HIVEP3: variants seen among roughly 807,000 people sequenced by gnomAD.
The protein encoded by HIVEP3 is HIVEP zinc finger 3.
In HIVEP3, 49 loss-of-function variants were observed where a neutral mutation model predicts 152.8. The observed-to-expected ratio is 0.32, with a 90% CI of 0.26 to 0.41. HIVEP3 has a LOEUF of 0.41. HIVEP3 is among the 10% of genes least tolerant of loss of function. The probability of loss-of-function intolerance (pLI) is 1.00; values close to 1 mark genes in which losing one functional copy is unlikely to be tolerated. For synonymous variants in HIVEP3, 1,269 were observed against 1,289.0 expected (o/e 0.98, Z 0.33); for missense variants, 2,790 against 3,103.3 (o/e 0.90, Z 2.40).
intron 2 of HIVEP3, among the ~76,000 whole-genome samples, chr1:41,691,841 A>C (rs1011878200): frequency 3.3e-5 from 5 of 151,996 alleles, no homozygotes; most frequent in Admixed American, 1.3e-4. Context: ...CTCCAAATCA[A>C]TACTTACATT....
chr1:41,639,061 G>A (rs76471876), intron 2 of HIVEP3, among the ~76,000 whole-genome samples: 4,704 of 152,300 alleles, frequency 0.031, 107 homozygotes, highest in Non-Finnish European at 0.053. Flanking sequence ...ACTCTGAACG[G>A]AACGTCTGCA....
intron 1 of HIVEP3, among the ~76,000 whole-genome samples, chr1:41,936,060 C>T (rs1645018674): frequency 6.6e-6 from 1 of 151,962 alleles, no homozygotes; most frequent in African/African-American, 2.4e-5. Context: ...CAATTGCCTG[C>T]AAGTAAAAAG....
intron 2 of HIVEP3, among the ~76,000 whole-genome samples, chr1:41,634,109 C>T (rs535639519): frequency 2.0e-5 from 3 of 147,678 alleles, no homozygotes; most frequent in East Asian, 2.2e-4. Flanking sequence ...CCACCACCCA[C>T]GCATCTTTTC....
chr1:41,556,684 G>A (rs947785136), intron 5 of HIVEP3, among the ~76,000 whole-genome samples: 2 of 152,176 alleles, frequency 1.3e-5, no homozygotes, highest in Non-Finnish European at 2.9e-5. Context: ...TATGCTTGGT[G>A]TTGTATCCAA....
intron 1 of HIVEP3, among the ~76,000 whole-genome samples, chr1:41,911,605 C>A (rs1644797168): frequency 6.6e-6 from 1 of 152,032 alleles, no homozygotes; most frequent in South Asian, 2.1e-4. Flanking sequence ...ATGTTTACAG[C>A]AGCACTATTT....
intron 1 of HIVEP3, among the ~76,000 whole-genome samples, chr1:41,760,990 T>C (rs1288533744): frequency 6.6e-6 from 1 of 152,212 alleles, no homozygotes; most frequent in Non-Finnish European, 1.5e-5. Context: ...CTCCCTTCTC[T>C]TTTTTGGAAA....
chr1:41,670,774 T>C (rs1265130847), intron 2 of HIVEP3, among the ~76,000 whole-genome samples: 1 of 152,100 alleles, frequency 6.6e-6, no homozygotes, highest in Admixed American at 6.5e-5. Context: ...AGCCACGCAG[T>C]TACTAGGAAA....
chr1:41,654,445 G>C, intron 2 of HIVEP3, among the ~76,000 whole-genome samples: 1 of 152,112 alleles, frequency 6.6e-6, no homozygotes, highest in East Asian at 1.9e-4. Context: ...AGTGTATATG[G>C]ATTCATTCAT....
chr1:41,666,563 C>T (rs978051366), intron 2 of HIVEP3, among the ~76,000 whole-genome samples: 3 of 152,170 alleles, frequency 2.0e-5, no homozygotes, highest in Admixed American at 2.0e-4. Flanking sequence ...GATTACTGTC[C>T]TCCCATATGG....
chr1:41,954,649 T>C (rs1213307991), intron 1 of HIVEP3, among the ~76,000 whole-genome samples: 1 of 152,266 alleles, frequency 6.6e-6, no homozygotes, highest in Non-Finnish European at 1.5e-5. Flanking sequence ...GCCTTTCTGA[T>C]GCTGGCTGCA....
intron 1 of HIVEP3, among the ~76,000 whole-genome samples, chr1:42,028,626 G>C (rs750542344): frequency 1.2e-4 from 18 of 152,212 alleles, no homozygotes; most frequent in Non-Finnish European, 2.6e-4. Flanking sequence ...GGGGGTCAAA[G>C]GGAGGGGAAT....
intron 1 of HIVEP3, among the ~76,000 whole-genome samples, chr1:41,719,715 A>T (rs1437917344): frequency 6.6e-6 from 1 of 152,222 alleles, no homozygotes; most frequent in Admixed American, 6.5e-5. Flanking sequence ...TGACACGGTG[A>T]CCAGGCTCCA....
Position 41,584,529 on chromosome 1 carries a change from A to G in HIVEP3, c.269T>C (p.Val90Ala). The G allele has an allele frequency of 6.2e-7, 1 of 1,613,362 alleles. No individual in the cohort carries two copies. ...GTGCTGCGGAAGCTGTGAGATGTGG[A>G]CGGATGCTTCGATGGGGGGCCTTTT... Reference protein sequence around the residue: ...PPKRPPIEASVHISQLPQHPL... With the variant: ...PPKRPPIEASAHISQLPQHPL... The change falls in exon 4 of 9, where the codon GTC (valine) becomes GCC (alanine). Residue 90 changes from valine (V) to alanine (A), a missense_variant. By Grantham distance (64) the Val-to-Ala change is moderately conservative. Coordinates refer to ENST00000372583, the MANE Select transcript of HIVEP3 (RefSeq NM_024503.5). This position sits in a 1 kb window ranked among gnomAD's most constrained non-coding sequence, Gnocchi z 5.2.
chr1:41,561,175 G>A (rs897468841), intron 5 of HIVEP3, among the ~76,000 whole-genome samples: 1 of 152,146 alleles, frequency 6.6e-6, no homozygotes, highest in African/African-American at 2.4e-5. Context: ...AAACCACATG[G>A]CAATCATTCA....
At chr1:41,765,653 AGC>A (rs1366537957) in intron 1 of HIVEP3, among the ~76,000 whole-genome samples, 5 of 152,344 alleles carry the variant, frequency 3.3e-5, no homozygotes, top group Non-Finnish European at 1.5e-5. Flanking sequence ...TTAGCCTGTA[AGC>A]TGTAAGCCTT....
intron 1 of HIVEP3, among the ~76,000 whole-genome samples, chr1:41,753,382 C>T (rs991932137): frequency 5.3e-5 from 8 of 152,228 alleles, no homozygotes; most frequent in Non-Finnish European, 1.0e-4. Flanking sequence ...AGCAATGGGC[C>T]GGGCACGGTG....
intron 1 of HIVEP3, among the ~76,000 whole-genome samples, chr1:41,738,996 G>A (rs1301891882): frequency 6.6e-6 from 1 of 152,236 alleles, no homozygotes; most frequent in Non-Finnish European, 1.5e-5. Flanking sequence ...TCCATATGAA[G>A]ATATTGTGCT....
intron 5 of HIVEP3, among the ~76,000 whole-genome samples, chr1:41,563,256 A>G (rs1419029193): frequency 6.6e-6 from 1 of 152,118 alleles, no homozygotes; most frequent in East Asian, 1.9e-4. Flanking sequence ...CTGAGGCAGG[A>G]GAATTTCTTG....
At chr1:41,951,555 G>A (rs1048482110) in intron 1 of HIVEP3, among the ~76,000 whole-genome samples, 2 of 152,176 alleles carry the variant, frequency 1.3e-5, no homozygotes, top group Admixed American at 1.3e-4. Context: ...TGCACTTGGT[G>A]TGTGTATTAG....
Sources: gnomAD v4.1 joint callset for allele counts (sites outside exome capture counted in the v4.1 genomes callset) on GRCh38, gnomAD v4.1.1 for gene constraint, Gnocchi (gnomAD v3.1) non-coding constraint, MANE v1.5 for transcripts, NCBI Gene and HGNC (gene_info 2026-07-23, HGNC 2026-07-21) for gene names.